Variants in SYNDIG1 observed in about 807,000 individuals in gnomAD.
SYNDIG1 encodes the protein synapse differentiation-inducing gene protein 1.
In SYNDIG1, 9 loss-of-function variants were observed where a neutral mutation model predicts 19.4. The ratio of observed to expected loss-of-function variants is 0.46; its 90% CI spans 0.28 to 0.81. SYNDIG1 has a LOEUF of 0.81. Among genes scored for constraint, SYNDIG1 ranks in the 30% least tolerant of loss-of-function variants. The pLI, the probability that SYNDIG1 is intolerant of heterozygous loss-of-function variation, is 0.12. For synonymous variants in SYNDIG1, 141 were observed against 145.9 expected (o/e 0.97, Z 0.24); for missense variants, 311 against 343.3 (o/e 0.91, Z 0.74).
chr20:24,539,892 C>T (rs2057435614), intron 1 of SYNDIG1, among the ~76,000 whole-genome samples: 2 of 152,154 alleles, frequency 1.3e-5, no homozygotes, highest in Admixed American at 1.3e-4. Context: ...AATTCTTCTG[C>T]CTCGGCCTCA....
chr20:24,533,422 A>G (rs1182194951), intron 1 of SYNDIG1, among the ~76,000 whole-genome samples: 2 of 152,150 alleles, frequency 1.3e-5, no homozygotes, highest in Admixed American at 1.3e-4. Context: ...CAGACATACA[A>G]GTTGGCCTGC....
At chr20:24,580,701 G>A (rs888982171) in intron 2 of SYNDIG1, among the ~76,000 whole-genome samples, 3 of 152,074 alleles carry the variant, frequency 2.0e-5, no homozygotes, top group Non-Finnish European at 4.4e-5. Flanking sequence ...GAACAACCAT[G>A]CCCACCCCTC....
At chr20:24,559,490 G>A (rs191576278) in intron 2 of SYNDIG1, among the ~76,000 whole-genome samples, 2 of 152,278 alleles carry the variant, frequency 1.3e-5, no homozygotes, top group Non-Finnish European at 2.9e-5. Flanking sequence ...ACAAACAAAC[G>A]ACACAGGATC....
chr20:24,565,762 C>T lies in SYNDIG1; in HGVS notation c.481-19094C>T, dbSNP rs574600477. ...CCCAACTCCCACCTTCTCCTTCCCC[C>T]GCTTCACAGCCCTGAGTCTCAGCCC... On this transcript the variant is annotated intron_variant, in intron 2 of 3. Transcript: ENST00000376862. Among the ~76,000 whole-genome samples the T allele has an allele frequency of 4.6e-5, 7 of 152,266 alleles. No homozygotes were observed. In the East Asian group the frequency reaches 5.8e-4, roughly 13 times the overall value.
At chr20:24,562,394 G>T (rs936530165) in intron 2 of SYNDIG1, among the ~76,000 whole-genome samples, 1 of 152,158 alleles carries the variant, frequency 6.6e-6, no homozygotes, top group Non-Finnish European at 1.5e-5. Context: ...AACATGATTG[G>T]AATAGTAGTA....
At chr20:24,525,803 G>A (rs1249298571) in intron 1 of SYNDIG1, among the ~76,000 whole-genome samples, 1 of 152,116 alleles carries the variant, frequency 6.6e-6, no homozygotes, top group African/African-American at 2.4e-5. Flanking sequence ...TTATTTCTCA[G>A]CATAATTGAG....
intron 1 of SYNDIG1, among the ~76,000 whole-genome samples, chr20:24,501,521 A>G (rs1022096519): frequency 2.0e-5 from 3 of 152,174 alleles, no homozygotes; most frequent in Non-Finnish European, 4.4e-5. Context: ...GGGAAGCTAT[A>G]TAGAGTAGGG....
chr20:24,522,267 T>G (rs947674925), intron 1 of SYNDIG1, among the ~76,000 whole-genome samples: 1 of 152,024 alleles, frequency 6.6e-6, no homozygotes, highest in African/African-American at 2.4e-5. Flanking sequence ...CTTTAAAAAT[T>G]TTTTGTAGAG....
At chr20:24,538,504 CA>C (rs1369727653) in intron 1 of SYNDIG1, among the ~76,000 whole-genome samples, 10 of 152,088 alleles carry the variant, frequency 6.6e-5, no homozygotes, top group African/African-American at 2.2e-4. Context: ...TCCATTCATC[CA>C]CAGACACTTG....
chr20:24,556,061 G>A (rs1394423002), intron 2 of SYNDIG1, among the ~76,000 whole-genome samples: 4 of 152,088 alleles, frequency 2.6e-5, no homozygotes, highest in Admixed American at 2.6e-4. Context: ...GTTACGTAAT[G>A]GCCTTCTTTG....
chr20:24,488,050 G>A (rs6049729), intron 1 of SYNDIG1, among the ~76,000 whole-genome samples: 1 of 152,144 alleles, frequency 6.6e-6, no homozygotes, highest in Non-Finnish European at 1.5e-5. Flanking sequence ...AAAATGAGAT[G>A]ACTCCATTTT....
chr20:24,643,144 TCTAA>T (rs1200850111), intron 3 of SYNDIG1, among the ~76,000 whole-genome samples: 3 of 152,210 alleles, frequency 2.0e-5, no homozygotes, highest in Non-Finnish European at 4.4e-5. Flanking sequence ...TGCCTCCAAC[TCTAA>T]CTCATTGTCA....
At position 24,658,598 on chromosome 20, in the gene SYNDIG1, T is replaced by C. The variant is rs949120273; in HGVS notation, c.619-6748T>C. ...ATCTCCACCCTGACATCGAACCGTG[T>C]GGAGTATGACCCCCCACCCCCACCC... On this transcript the variant is annotated intron_variant, in intron 3 of 3. Coordinates refer to ENST00000376862, the MANE Select transcript of SYNDIG1 (RefSeq NM_024893.3). The surrounding 1 kb of genome is among the most constrained non-coding windows in gnomAD (Gnocchi z 4.4). Among the ~76,000 whole-genome samples, 3 of 151,768 alleles carry C rather than the reference T, an allele frequency of 2.0e-5. No homozygotes were observed. Among genetic ancestry groups the C allele is most frequent in the Admixed American group, 6.6e-5 (1 of 15,242 alleles).
chr20:24,550,014 G>A (rs565872747), intron 2 of SYNDIG1, among the ~76,000 whole-genome samples: 7 of 152,206 alleles, frequency 4.6e-5, no homozygotes, highest in South Asian at 2.1e-4. Flanking sequence ...CTGCTTCTGG[G>A]TCCTGGGTTT....
At chr20:24,518,895 A>T (rs547363369) in intron 1 of SYNDIG1, among the ~76,000 whole-genome samples, 1 of 152,326 alleles carries the variant, frequency 6.6e-6, no homozygotes, top group Non-Finnish European at 1.5e-5. Context: ...TCTGGCAACC[A>T]CAGACACACC....
At chr20:24,547,099 G>T (rs1420117884) in intron 2 of SYNDIG1, among the ~76,000 whole-genome samples, 1 of 151,552 alleles carries the variant, frequency 6.6e-6, no homozygotes, top group African/African-American at 2.4e-5. Context: ...TTCAGAGTGG[G>T]GCCTTCTCAT....
chr20:24,663,565 G>T (rs1157552638), intron 3 of SYNDIG1, among the ~76,000 whole-genome samples: 1 of 152,168 alleles, frequency 6.6e-6, no homozygotes, highest in Non-Finnish European at 1.5e-5. Flanking sequence ...AGGCCCCAGG[G>T]AGACCACAAC....
At chr20:24,519,212 G>T (rs1424131930) in intron 1 of SYNDIG1, among the ~76,000 whole-genome samples, 1 of 152,156 alleles carries the variant, frequency 6.6e-6, no homozygotes, top group Non-Finnish European at 1.5e-5. Flanking sequence ...AGTTTATGAT[G>T]TTAATTAATT....
At chr20:24,646,549 C>A (rs73905414) in intron 3 of SYNDIG1, among the ~76,000 whole-genome samples, 165 of 152,254 alleles carry the variant, frequency 1.1e-3, no homozygotes, top group African/African-American at 3.9e-3. Flanking sequence ...GCATGCATAC[C>A]GCTTTCAAGT....
Sources: gnomAD v4.1 joint callset for allele counts (sites outside exome capture counted in the v4.1 genomes callset) on GRCh38, gnomAD v4.1.1 for gene constraint, Gnocchi (gnomAD v3.1) non-coding constraint, MANE v1.5 for transcripts, NCBI Gene and HGNC (gene_info 2026-07-23, HGNC 2026-07-21) for gene names.